Variants in SKIDA1 observed in about 807,000 individuals in gnomAD.
SKIDA1 encodes the protein SKI/DACH domain-containing protein 1.
SKIDA1 carries 18 observed loss-of-function variants against 51.4 expected under a neutral mutation model. That is an observed-to-expected ratio of 0.35 (90% CI 0.24 to 0.52). The LOEUF is 0.52. Ranked by LOEUF, SKIDA1 falls within the 20% of genes least tolerant of loss-of-function variation. The pLI is 0.95. For synonymous variants in SKIDA1, 579 were observed against 500.5 expected (o/e 1.16, Z -2.09); for missense variants, 1,104 against 1,180.6 (o/e 0.94, Z 0.95).
intron 2 of SKIDA1, among the ~76,000 whole-genome samples, chr10:21,522,340 A>G (rs573792194): frequency 1.3e-3 from 167 of 126,658 alleles, no homozygotes; most frequent in African/African-American, 4.8e-3. Flanking sequence ...TGCTGGGCAC[A>G]TTTTGTTCAA....
In SKIDA1 at chr10:21,515,240, A is replaced by G; in HGVS notation, c.2583T>C (p.Asp861=). 2 of 1,613,968 alleles carry G rather than the reference A, an allele frequency of 1.2e-6. No individual in the cohort carries two copies. Among genetic ancestry groups the G allele is most frequent in the Non-Finnish European group, 1.7e-6 (2 of 1,179,898 alleles). ...PCPPSLIIGR[D]GDLWPAYSLN... ...AGGAATACGCCGGCCACAAATCCCC[A>G]TCTCTCCCAATAATGAGTGATGGTG... is the stretch of plus-strand genomic sequence containing the variant. The change falls in exon 4 of 4, where the codon GAT becomes GAC. Residue 861 remains aspartate (D), a synonymous_variant. Transcript: ENST00000449193.
chr10:21,517,321 G>GGGCGGCGGGGCGCGC lies in SKIDA1; in HGVS notation c.487_501dup (p.Ala163_Ala167dup). ...TATTTGCTAAAAATCTGAGGTAGAT[G>GGGCGGCGGGGCGCGC]GGCGGCGGGGCGCGCGGCGGCGGCG... On this transcript the variant is annotated inframe_insertion, in exon 4 of 4. Transcript: ENST00000449193. This position sits in a 1 kb window ranked among gnomAD's most constrained non-coding sequence, Gnocchi z 6.9. 6 of 1,433,724 alleles carry GGGCGGCGGGGCGCGC rather than the reference G, an allele frequency of 4.2e-6. No individual in the cohort carries two copies. The highest frequency in any genetic ancestry group is 5.5e-6 in the Non-Finnish European group (6 of 1,091,154). 88.8% of individuals were successfully genotyped at this position (1,433,724 alleles called of 1,614,324 possible).
chr10:21,516,561 T>A lies in SKIDA1; in HGVS notation c.1262A>T (p.Glu421Val). The A allele has an allele frequency of 6.5e-7, 1 of 1,550,016 alleles. No homozygotes were observed. Among genetic ancestry groups the A allele is most frequent in the Middle Eastern group, 1.7e-4 (1 of 5,756 alleles). ...SEEEEEEGEE[E>V]EEEEEEEGGS... ...CCCCTCCTCCTCCTCTTCCTCCTCC[T>A]CCTCCTCTCCCTCCTCCTCCTCTTC... Residue 421 changes from glutamate to valine, a missense_variant, in exon 4 of 4, where the codon GAG becomes GTG. Physicochemically the swap from Glu to Val is moderately radical, Grantham distance 121 (BLOSUM62 -2). Around this residue, in one of 3 missense-constraint regions of SKIDA1, gnomAD observed 938 missense variants for 886.4 expected, o/e 1.06. Transcript: ENST00000449193. This position sits in a 1 kb window ranked among gnomAD's most constrained non-coding sequence, Gnocchi z 5.7.
At position 21,514,902 on chromosome 10, in the gene SKIDA1, G is replaced by T. The variant is rs1478409236; in HGVS notation, c.*194C>A. Reference sequence around the variant, plus strand: ...TGTAAACCAACCCTTCTCCCACCCCGCCCCCACCCTACTCCAGAAAAAAAA... The same window carrying T: ...TGTAAACCAACCCTTCTCCCACCCCTCCCCCACCCTACTCCAGAAAAAAAA... On this transcript the variant is annotated 3_prime_UTR_variant, in exon 4 of 4. Coordinates refer to ENST00000449193, the MANE Select transcript of SKIDA1 (RefSeq NM_207371.4). The T allele has an allele frequency of 4.1e-5, 2 of 49,138 alleles. No homozygotes were observed. The highest frequency in any genetic ancestry group is 2.3e-4 in the Admixed American group (1 of 4,308). The allele number at this position is 49,138 out of a possible 1,614,324, so 3.0% of individuals were successfully genotyped here.
At position 21,515,881 on chromosome 10, in the gene SKIDA1, A is replaced by C. The variant is rs750778030; in HGVS notation, c.1942T>G (p.Leu648Val). The change falls in exon 4 of 4, where the codon TTG (leucine) becomes GTG (valine). Residue 648 changes from leucine (L) to valine (V), a missense_variant. Around this residue, in one of 3 missense-constraint regions of SKIDA1, gnomAD observed 938 missense variants for 886.4 expected, o/e 1.06. Coordinates refer to ENST00000449193, the MANE Select transcript of SKIDA1 (RefSeq NM_207371.4). ...TCAGGATCAGTCTGCGAAGAGGGCA[A>C]ATCCGTAGCAAATTCAGGACAATGA... The part of the protein sequence containing the change: ...ILHCPEFATD[L>V]PSSQTDPEVN... 41 of 1,613,960 alleles carry C rather than the reference A, an allele frequency of 2.5e-5. No homozygotes were observed. The East Asian group carries it at 8.0e-4, about 32-fold the overall frequency.
chr10:21,523,035 A>G (rs2032463465), intron 2 of SKIDA1, among the ~76,000 whole-genome samples: 1 of 152,244 alleles, frequency 6.6e-6, no homozygotes, highest in African/African-American at 2.4e-5. Context: ...GATAACATAT[A>G]TTGCAAGCTA....
intron 1 of SKIDA1, among the ~76,000 whole-genome samples, chr10:21,524,251 TAAA>T (rs2032547139): frequency 6.6e-6 from 1 of 152,140 alleles, no homozygotes; most frequent in South Asian, 2.1e-4. Context: ...GTTTGTGTTT[TAAA>T]AAAACACATG....
rs2032105871 is a variant in SKIDA1 at position 21,513,840 on chromosome 10, ACCCC to A, written c.*1252_*1255del. The A allele has an allele frequency of 6.6e-6, 1 of 152,066 alleles. No individual in the cohort carries two copies. Among genetic ancestry groups the A allele is most frequent in the South Asian group, 2.1e-4 (1 of 4,802 alleles). The allele number at this position is 152,066 out of a possible 1,614,324, so 9.4% of individuals were successfully genotyped here. On this transcript the variant is annotated 3_prime_UTR_variant, in exon 4 of 4. Coordinates refer to ENST00000449193, the MANE Select transcript of SKIDA1 (RefSeq NM_207371.4). ...TTTCATTTGGGGTATTGCAACTCTG[ACCCC>A]TCATTTTCTTTTTCTTGGTTGTATT...
rs1363959416 is a variant in SKIDA1, at chr10:21,516,274, G to A, written c.1549C>T (p.Pro517Ser). ...DLKSSVKAES[P>S]AEWNLQSWAP... ...CAGCTCTGCAGATTCCACTCCGCCG[G>A]CGACTCCGCTTTGACACTACTCTTG... Residue 517 changes from proline (P) to serine (S), a missense_variant, in exon 4 of 4, where the codon CCG becomes TCG. Pro to Ser is a moderately conservative substitution (Grantham distance 74). Around this residue, in one of 3 missense-constraint regions of SKIDA1, gnomAD observed 938 missense variants for 886.4 expected, o/e 1.06. Coordinates refer to ENST00000449193, the MANE Select transcript of SKIDA1 (RefSeq NM_207371.4). The surrounding 1 kb of genome is among the most constrained non-coding windows in gnomAD (Gnocchi z 5.7). The A allele has an allele frequency of 6.2e-7, 1 of 1,613,762 alleles. No individual in the cohort carries two copies. The highest frequency in any genetic ancestry group is 1.3e-5 in the African/African-American group (1 of 74,922).
rs749821145 is a variant in SKIDA1, at chr10:21,516,773, G to A, written c.1050C>T (p.His350=). The change falls in exon 4 of 4, where the codon CAC becomes CAT. Residue 350 remains histidine (H), a synonymous_variant. Coordinates refer to ENST00000449193, the MANE Select transcript of SKIDA1 (RefSeq NM_207371.4). This position sits in a 1 kb window ranked among gnomAD's most constrained non-coding sequence, Gnocchi z 5.7. The part of the protein sequence containing the change: ...HHHHHHHHHH[H]HRAQPPQQSH... ...TCTGCTGCGGCGGCTGGGCCCGGTG[G>A]TGGTGGTGGTGGTGGTGATGGTGGT... The A allele has an allele frequency of 3.8e-5, 58 of 1,540,070 alleles. No individual in the cohort carries two copies. The South Asian group carries it at 5.2e-4, about 14-fold the overall frequency.
rs1050884506 is a variant in SKIDA1, at chr10:21,518,796, C to T, written c.-974G>A. ...CGGCTGGGAGCTCCAAAGTTAAACCCGCCCCGTGAACCACCCCAGTGCGGA... is the reference window on the plus strand; with the variant it reads ...CGGCTGGGAGCTCCAAAGTTAAACCTGCCCCGTGAACCACCCCAGTGCGGA... On this transcript the variant is annotated 5_prime_UTR_variant, in exon 4 of 4. Coordinates refer to ENST00000449193, the MANE Select transcript of SKIDA1 (RefSeq NM_207371.4). 6.0e-6 allele frequency: 1 copy of T among 166,586 alleles called. No homozygotes were observed. The highest frequency in any genetic ancestry group is 1.5e-5 in the Non-Finnish European group (1 of 68,088). The allele number at this position is 166,586 out of a possible 1,614,324, so 10.3% of individuals were successfully genotyped here.
In SKIDA1 at chr10:21,520,661, CTCT is replaced by C. The variant is rs1205477399; in HGVS notation, c.-1837+725_-1837+727del. 3.9e-3 allele frequency among the ~76,000 whole-genome samples: 590 copies of C among 151,256 alleles called. 5 individuals carry two copies. The highest frequency in any genetic ancestry group is 0.013 in the African/African-American group (555 of 41,126). Reference sequence around the variant, plus strand: ...GTTTATATTTCCTCTCTCTCTCTCTCTCTCCTAGTCCTCCTACACATAGCAACA... The same window carrying C: ...GTTTATATTTCCTCTCTCTCTCTCTCCCTAGTCCTCCTACACATAGCAACA... On this transcript the variant is annotated intron_variant, in intron 3 of 3. Transcript: ENST00000449193.
rs1013183141 is a variant in SKIDA1, at chr10:21,515,663, A to G, written c.2160T>C (p.Ser720=). ...CGTCCTCCTCTTTACTCTCAGTCAC[A>G]CTGTAAAACTCACCCTTTGTATCAT... ...ECNDTKGEFY[S]VTESKEEDAL... is the part of the protein sequence containing the mutation. Residue 720 remains serine, a synonymous_variant, in exon 4 of 4, where the codon AGT becomes AGC. Coordinates refer to ENST00000449193, the MANE Select transcript of SKIDA1 (RefSeq NM_207371.4). 1 of 1,613,930 alleles carries G rather than the reference A, an allele frequency of 6.2e-7. No homozygotes were observed. Among genetic ancestry groups the G allele is most frequent in the African/African-American group, 1.3e-5 (1 of 74,944 alleles).
chr10:21,516,757 G>A lies in SKIDA1; in HGVS notation c.1066C>T (p.Pro356Ser). Residue 356 changes from proline to serine, a missense_variant, in exon 4 of 4, where the codon CCG (proline) becomes TCG (serine). Pro to Ser is a moderately conservative substitution (Grantham distance 74). Coordinates refer to ENST00000449193, the MANE Select transcript of SKIDA1 (RefSeq NM_207371.4). This position sits in a 1 kb window ranked among gnomAD's most constrained non-coding sequence, Gnocchi z 5.7. ...TGAGGGGGGTGGTGACTCTGCTGCG[G>A]CGGCTGGGCCCGGTGGTGGTGGTGG... ...HHHHHHRAQP[P>S]QQSHHPPHHH... is the part of the protein sequence containing the mutation. The A allele has an allele frequency of 6.5e-7, 1 of 1,547,358 alleles. No individual in the cohort carries two copies. Among genetic ancestry groups the A allele is most frequent in the South Asian group, 1.2e-5 (1 of 83,830 alleles).
In SKIDA1 at chr10:21,515,753, T is replaced by C; in HGVS notation, c.2070A>G (p.Glu690=). 6.2e-7 allele frequency: 1 copy of C among 1,614,050 alleles called. No homozygotes were observed. The highest frequency in any genetic ancestry group is 8.5e-7 in the Non-Finnish European group (1 of 1,179,902). The change falls in exon 4 of 4, where the codon GAA becomes GAG. Residue 690 remains glutamate, a synonymous_variant. Coordinates refer to ENST00000449193, the MANE Select transcript of SKIDA1 (RefSeq NM_207371.4). ...CATATTCTTCATTAGCACTACTGTC[T>C]TCTACTTTGATTTTAATATTGTGCA... ...PFLHNIKIKV[E]DSSANEEYEP...
chr10:21,517,264 A>T lies in SKIDA1; in HGVS notation c.559T>A (p.Ser187Thr). The T allele has an allele frequency of 2.0e-6, 3 of 1,473,536 alleles. No homozygotes were observed. In the South Asian group the frequency reaches 3.9e-5, roughly 19 times the overall value. The allele number at this position is 1,473,536 out of a possible 1,614,324, so 91.3% of individuals were successfully genotyped here. Residue 187 changes from serine (S) to threonine (T), a missense_variant, in exon 4 of 4, where the codon TCG becomes ACG. Around this residue, in one of 3 missense-constraint regions of SKIDA1, gnomAD observed 938 missense variants for 886.4 expected, o/e 1.06. Transcript: ENST00000449193. This position sits in a 1 kb window ranked among gnomAD's most constrained non-coding sequence, Gnocchi z 6.9. Reference sequence around the variant, plus strand: ...TAGTTTAGAGGGGGTTTGCACGGCGAGCGCACGATCTCCGGGTAGTGCGAG... The same window carrying T: ...TAGTTTAGAGGGGGTTTGCACGGCGTGCGCACGATCTCCGGGTAGTGCGAG... Reference protein sequence around the residue: ...PGSHYPEIVRSPCKPPLNYET... With the variant: ...PGSHYPEIVRTPCKPPLNYET...
Position 21,518,945 on chromosome 10 carries a change from T to C in SKIDA1, c.-1123A>G, listed in dbSNP as rs2032320616. Reference sequence around the variant, plus strand: ...GTTCAAGGCTCCAGCTCCGAAACACTGTAACAATTCAACTGGATTTCGGTT... The same window carrying C: ...GTTCAAGGCTCCAGCTCCGAAACACCGTAACAATTCAACTGGATTTCGGTT... On this transcript the variant is annotated 5_prime_UTR_variant, in exon 4 of 4. Coordinates refer to ENST00000449193, the MANE Select transcript of SKIDA1 (RefSeq NM_207371.4). 1 of 165,648 alleles carries C rather than the reference T, an allele frequency of 6.0e-6. No homozygotes were observed. Among genetic ancestry groups the C allele is most frequent in the Admixed American group, 6.6e-5 (1 of 15,096 alleles). The allele number at this position is 165,648 out of a possible 1,614,324, so 10.3% of individuals were successfully genotyped here. A position where few individuals can be genotyped will look rare whatever the true frequency, so the allele number is the denominator to read the frequency against.
At chr10:21,520,716 C>T (rs865953726) in intron 3 of SKIDA1, among the ~76,000 whole-genome samples, 1 of 151,504 alleles carries the variant, frequency 6.6e-6, no homozygotes, top group African/African-American at 2.4e-5. Context: ...TCAAAACTAC[C>T]TTCTTTTCCT....
chr10:21,520,543 C>T (rs1021522166), intron 3 of SKIDA1, among the ~76,000 whole-genome samples: 3 of 116,752 alleles, frequency 2.6e-5, no homozygotes, highest in African/African-American at 9.7e-5. Flanking sequence ...AAATAGTAAA[C>T]TCAGAAAAAG....
Sources: gnomAD v4.1 joint callset for allele counts (sites outside exome capture counted in the v4.1 genomes callset) on GRCh38, gnomAD v4.1.1 for gene constraint, gnomAD v4.1.1 regional missense constraint, Gnocchi (gnomAD v3.1) non-coding constraint, MANE v1.5 for transcripts, NCBI Gene and HGNC (gene_info 2026-07-23, HGNC 2026-07-21) for gene names.